WDFY3: variants seen among roughly 807,000 people sequenced by gnomAD.
WDFY3 encodes WD repeat and FYVE domain containing 3, also known as WD repeat and FYVE domain-containing protein 3.
Under a neutral mutation model 409.6 loss-of-function variants are expected in WDFY3, and 66 were observed. The observed-to-expected ratio is 0.16, with a 90% CI of 0.13 to 0.20. WDFY3 has a LOEUF of 0.20. Among genes scored for constraint, WDFY3 ranks in the 10% least tolerant of loss-of-function variants. WDFY3 has a pLI of 1.00. For synonymous variants in WDFY3, 1,521 were observed against 1,537.1 expected (o/e 0.99, Z 0.25); for missense variants, 3,031 against 4,298.1 (o/e 0.71, Z 8.24).
intron 14 of WDFY3, 134 bp from the exon 15 acceptor site, chr4:84,808,551 AG>A (rs1751920529): frequency 1.5e-6 from 1 of 672,916 alleles, no homozygotes; most frequent in Non-Finnish European, 2.7e-6. Flanking sequence ...AGCAGGAACA[AG>A]GAACAAGACT....
intron 15 of WDFY3, among the ~76,000 whole-genome samples, chr4:84,804,327 G>A (rs368676332): frequency 1.3e-4 from 20 of 152,164 alleles, no homozygotes; most frequent in African/African-American, 4.8e-4. Flanking sequence ...CTAATGCTGA[G>A]CTCTGTCACA....
intron 3 of WDFY3, among the ~76,000 whole-genome samples, chr4:84,868,433 T>C (rs2150289084): frequency 6.6e-6 from 1 of 152,214 alleles, no homozygotes; most frequent in East Asian, 1.9e-4. Flanking sequence ...AATTAGAATT[T>C]AAAATTTCTA....
intron 48 of WDFY3, 33 bp downstream of exon 48, chr4:84,718,389 C>G (rs955826837): frequency 1.3e-6 from 2 of 1,583,486 alleles, no homozygotes; most frequent in Non-Finnish European, 1.7e-6. Context: ...CTAAAGATAG[C>G]CATACATTAT....
At chr4:84,767,328 T>C (rs1743840512) in intron 30 of WDFY3, among the ~76,000 whole-genome samples, 1 of 152,162 alleles carries the variant, frequency 6.6e-6, no homozygotes, top group Non-Finnish European at 1.5e-5. Flanking sequence ...ACTGGCCATT[T>C]ACCCATCTCT....
chr4:84,912,448 G>A (rs902970200), intron 2 of WDFY3, among the ~76,000 whole-genome samples: 3 of 152,142 alleles, frequency 2.0e-5, no homozygotes, highest in African/African-American at 7.2e-5. Context: ...TGGGCACAGG[G>A]TTGCTATAAG....
At position 84,737,139 on chromosome 4, in the gene WDFY3, A is replaced by T. The variant is rs764594201; in HGVS notation, c.6757+45T>A. 4 of 1,606,780 alleles carry T rather than the reference A, an allele frequency of 2.5e-6. No homozygotes were observed. In the South Asian group the frequency reaches 3.3e-5, roughly 13 times the overall value. ...TATTTAAAGTATACCCATATATGAT[A>T]GCCACATGTAAATCTCCTGGTGGTA... On this transcript the variant is annotated intron_variant, in intron 41 of 67. Coordinates refer to ENST00000295888, the MANE Select transcript of WDFY3 (RefSeq NM_014991.6).
At chr4:84,921,424 C>T (rs1021773546) in intron 2 of WDFY3, among the ~76,000 whole-genome samples, 1 of 151,916 alleles carries the variant, frequency 6.6e-6, no homozygotes, top group Non-Finnish European at 1.5e-5. Flanking sequence ...ATTAGTAAAA[C>T]AGAGATTTGT....
intron 2 of WDFY3, among the ~76,000 whole-genome samples, chr4:84,914,011 G>C (rs1768126253): frequency 6.6e-6 from 1 of 152,074 alleles, no homozygotes; most frequent in African/African-American, 2.4e-5. Context: ...TTCTCTTCCT[G>C]ATGATTTTCT....
In WDFY3 at chr4:84,678,224, G is replaced by A; in HGVS notation, c.10203C>T (p.Ala3401=). ...GGTGTGCATTGTCCTTTCGATCAAA[G>A]GCTGTGTGCATAGTCAGCTTACTCC... ...VFRSKLTMHT[A]FDRKDNAHPA... is the part of the protein sequence containing the mutation. Residue 3401 remains alanine (A), a synonymous_variant, in exon 66 of 68, where the codon GCC becomes GCT. Coordinates refer to ENST00000295888, the MANE Select transcript of WDFY3 (RefSeq NM_014991.6). 6.2e-7 allele frequency: 1 copy of A among 1,614,112 alleles called. No individual in the cohort carries two copies.
At chr4:84,961,614 C>T (rs1774927954) in intron 1 of WDFY3, among the ~76,000 whole-genome samples, 1 of 152,104 alleles carries the variant, frequency 6.6e-6, no homozygotes, top group Non-Finnish European at 1.5e-5. Context: ...TTAAAGGCTG[C>T]AGCCTTCATA....
intron 2 of WDFY3, among the ~76,000 whole-genome samples, chr4:84,919,872 A>G (rs1376437607): frequency 2.0e-5 from 3 of 152,192 alleles, no homozygotes; most frequent in Non-Finnish European, 4.4e-5. Flanking sequence ...GTAACTATAT[A>G]GTGGAAAAAT....
chr4:84,801,810 T>G lies in WDFY3; in HGVS notation c.2662A>C (p.Thr888Pro), dbSNP rs750255203. The G allele has an allele frequency of 3.7e-6, 6 of 1,614,204 alleles. No homozygotes were observed. The highest frequency in any genetic ancestry group is 5.1e-6 in the Non-Finnish European group (6 of 1,180,024). ...VANILQSLVH[T>P]ERNQQVMCEA... is the part of the protein sequence containing the mutation. ...CACATGACTTGCTGGTTCCTTTCTGTGTGCACCAGGGATTGTAAAATATTT... is the reference window on the plus strand; with the variant it reads ...CACATGACTTGCTGGTTCCTTTCTGGGTGCACCAGGGATTGTAAAATATTT... The change falls in exon 17 of 68, where the codon ACA becomes CCA. Residue 888 changes from threonine to proline, a missense_variant. Physicochemically the swap from Thr to Pro is conservative, Grantham distance 38. Around this residue, in one of 16 missense-constraint regions of WDFY3, gnomAD observed 1,322 missense variants for 1,697.9 expected, o/e 0.78. Transcript: ENST00000295888.
chr4:84,786,789 C>T (rs1747631897), intron 23 of WDFY3, among the ~76,000 whole-genome samples: 1 of 152,162 alleles, frequency 6.6e-6, no homozygotes, highest in Admixed American at 6.5e-5. Context: ...ACTTATTTAG[C>T]ACACAGTAAG....
intron 10 of WDFY3, among the ~76,000 whole-genome samples, chr4:84,823,204 T>C (rs1204986612): frequency 2.0e-5 from 3 of 152,288 alleles, no homozygotes; most frequent in East Asian, 1.9e-4. Context: ...TAGTCATATA[T>C]GATATTTTCA....
intron 1 of WDFY3, among the ~76,000 whole-genome samples, chr4:84,952,086 C>T (rs1441462008): frequency 6.6e-6 from 1 of 152,122 alleles, no homozygotes; most frequent in East Asian, 1.9e-4. Flanking sequence ...TACAACTTTT[C>T]CCTGCCCTGC....
At chr4:84,911,264 A>G (rs1767739239) in intron 2 of WDFY3, among the ~76,000 whole-genome samples, 1 of 152,166 alleles carries the variant, frequency 6.6e-6, no homozygotes, top group Admixed American at 6.5e-5. Context: ...AGGTGGGAGG[A>G]TCACTTGAAG....
intron 27 of WDFY3, 52 bp downstream of exon 27, chr4:84,778,451 G>T: frequency 7.0e-7 from 1 of 1,434,524 alleles, no homozygotes; most frequent in Non-Finnish European, 9.3e-7. Flanking sequence ...ATCATATGGA[G>T]TAAGAAATGC....
intron 4 of WDFY3, among the ~76,000 whole-genome samples, chr4:84,858,113 C>T (rs958645053): frequency 2.0e-5 from 3 of 152,022 alleles, no homozygotes; most frequent in Admixed American, 2.0e-4. Flanking sequence ...AATAAATTCA[C>T]GTAACAAAAA....
At chr4:84,711,291 A>G (rs1251767782) in intron 51 of WDFY3, among the ~76,000 whole-genome samples, 1 of 152,240 alleles carries the variant, frequency 6.6e-6, no homozygotes, top group Non-Finnish European at 1.5e-5. Flanking sequence ...TAAAAACAGA[A>G]GTTTAAATGT....
Sources: gnomAD v4.1 joint callset for allele counts (sites outside exome capture counted in the v4.1 genomes callset) on GRCh38, gnomAD v4.1.1 for gene constraint, gnomAD v4.1.1 regional missense constraint, MANE v1.5 for transcripts, NCBI Gene and HGNC (gene_info 2026-07-23, HGNC 2026-07-21) for gene names.